The following TANC1 variants were observed in gnomAD, a reference collection of about 807,000 sequenced individuals.
The protein encoded by TANC1 is tetratricopeptide repeat, ankyrin repeat and coiled-coil containing 1, also known as protein TANC1.
In TANC1, 77 loss-of-function variants were observed where a neutral mutation model predicts 149.7. The ratio of observed to expected loss-of-function variants is 0.51; its 90% CI spans 0.43 to 0.62. The LOEUF (loss-of-function observed/expected upper bound fraction) is 0.62, where lower values mean the gene tolerates loss of function less well. Ranked by LOEUF, TANC1 falls within the 20% of genes least tolerant of loss-of-function variation. The pLI is 0.00. For missense variants in TANC1, 1,985 were observed against 2,321.8 expected, an observed-to-expected ratio of 0.85 and a Z score of 2.98; for synonymous variants, 854 against 925.0, an observed-to-expected ratio of 0.92 and a Z score of 1.39.
In TANC1 at chr2:159,176,518, G is replaced by A; in HGVS notation, c.1902G>A (p.Gln634=). 1 of 1,585,970 alleles carries A rather than the reference G, an allele frequency of 6.3e-7. No homozygotes were observed. The highest frequency in any genetic ancestry group is 8.5e-7 in the Non-Finnish European group (1 of 1,171,966). The part of the protein sequence containing the change: ...KLIVTVRANF[Q]EIISALPFVK... ...TTGTGACTGTAAGAGCAAATTTTCAGGTAACAAAGAATTCTCAAATCTTTC... is the reference window on the plus strand; with the variant it reads ...TTGTGACTGTAAGAGCAAATTTTCAAGTAACAAAGAATTCTCAAATCTTTC... The change falls in exon 13 of 27, where the codon CAG becomes CAA. Residue 634 remains glutamine, a splice_region_variant and synonymous_variant. Coordinates refer to ENST00000263635, the MANE Select transcript of TANC1 (RefSeq NM_033394.3).
At chr2:159,206,788 ACCTC>A (rs1209535309) in intron 19 of TANC1, among the ~76,000 whole-genome samples, 3 of 152,188 alleles carry the variant, frequency 2.0e-5, no homozygotes. Context: ...TTACACTGAG[ACCTC>A]ATGTGGTGTC....
At position 159,045,831 on chromosome 2, in the gene TANC1, A is replaced by G. The variant is rs1037339191; in HGVS notation, c.-15-20065A>G. On this transcript the variant is annotated intron_variant, in intron 2 of 26. Transcript: ENST00000263635. ...AAAACTATTTTATAATTTTCACTTA[A>G]AATTGCATGCGATAGCATTTTCTAT... is the stretch of plus-strand genomic sequence containing the variant. Among the ~76,000 whole-genome samples, 14 of 152,228 alleles carry G rather than the reference A, an allele frequency of 9.2e-5. 1 individual carries two copies. Among genetic ancestry groups the G allele is most frequent in the African/African-American group, 3.4e-4 (14 of 41,444 alleles).
At chr2:158,990,072 C>T (rs842059) in intron 1 of TANC1, among the ~76,000 whole-genome samples, 24,493 of 151,928 alleles carry the variant, frequency 0.16, 2,252 homozygotes, top group South Asian at 0.38. Context: ...CCTGCCACCA[C>T]GCCTGGCTAA....
intron 1 of TANC1, among the ~76,000 whole-genome samples, chr2:158,969,641 T>C (rs2032540534): frequency 6.6e-6 from 1 of 152,232 alleles, no homozygotes; most frequent in Admixed American, 6.5e-5. Flanking sequence ...CCGGAACGCC[T>C]GGCTGGGAAG....
intron 7 of TANC1, among the ~76,000 whole-genome samples, chr2:159,158,531 C>T (rs1180479266): frequency 6.6e-6 from 1 of 152,144 alleles, no homozygotes; most frequent in Non-Finnish European, 1.5e-5. Context: ...TCATCTTAGC[C>T]ACTGTTGTGA....
intron 5 of TANC1, among the ~76,000 whole-genome samples, chr2:159,143,266 TAACATTTGTC>T (rs1340732007): frequency 6.6e-6 from 1 of 152,154 alleles, no homozygotes; most frequent in Non-Finnish European, 1.5e-5. Flanking sequence ...TATTATGTGA[TAACATTTGTC>T]AACATTTGCA....
At chr2:159,040,690 T>TG (rs1249580651) in intron 2 of TANC1, among the ~76,000 whole-genome samples, 1 of 152,234 alleles carries the variant, frequency 6.6e-6, no homozygotes, top group Non-Finnish European at 1.5e-5. Flanking sequence ...TTAGCTTCCT[T>TG]GCAATGGGTT....
intron 16 of TANC1, among the ~76,000 whole-genome samples, chr2:159,189,818 A>C (rs180775209): frequency 1.1e-4 from 17 of 152,260 alleles, no homozygotes; most frequent in Non-Finnish European, 7.4e-5. Flanking sequence ...TTAAGTCAGA[A>C]TCTCCAAGAG....
In TANC1 at chr2:159,198,993, G is replaced by T; in HGVS notation, c.3184G>T (p.Gly1062Trp). The T allele has an allele frequency of 1.9e-6, 3 of 1,613,982 alleles. No individual in the cohort carries two copies. Among genetic ancestry groups the T allele is most frequent in the South Asian group, 1.1e-5 (1 of 91,070 alleles). Residue 1062 changes from glycine to tryptophan, a missense_variant, in exon 19 of 27, where the codon GGG (glycine) becomes TGG (tryptophan). This residue lies in a region of TANC1 where 920 missense variants were observed against 994.7 expected (regional missense o/e 0.92). Transcript: ENST00000263635. ...GHSSVVQCLL[G>W]MEKEHEVEVN... ...CTGACAGGTGGTCCAGTGCTTGCTG[G>T]GGATGGAGAAGGAACATGAAGTAGA...
At chr2:159,134,871 G>A (rs1360709499) in intron 4 of TANC1, among the ~76,000 whole-genome samples, 1 of 152,106 alleles carries the variant, frequency 6.6e-6, no homozygotes, top group Non-Finnish European at 1.5e-5. Context: ...ATCCTTCTGT[G>A]TTGGCCTAAG....
At position 159,225,294 on chromosome 2, in the gene TANC1, C is replaced by T. The variant is rs1242878288; in HGVS notation, c.3812-394C>T. On this transcript the variant is annotated intron_variant, in intron 23 of 26. Transcript: ENST00000263635. ...GTAGGAGAGAGAAGCCATGACATCT[C>T]GGAGTACAGCAGATGACACAGCACA... The T allele has an allele frequency of 1.3e-4, 34 of 261,488 alleles. No individual in the cohort carries two copies. The Admixed American group carries it at 1.6e-3, about 13-fold the overall frequency. 16.2% of individuals were successfully genotyped at this position (261,488 alleles called of 1,614,324 possible). A position where few individuals can be genotyped will look rare whatever the true frequency, so the allele number is the denominator to read the frequency against.
At chr2:159,182,903 A>C (rs1159199682) in intron 14 of TANC1, among the ~76,000 whole-genome samples, 2 of 152,238 alleles carry the variant, frequency 1.3e-5, no homozygotes, top group African/African-American at 2.4e-5. Flanking sequence ...CGAGGAGTTA[A>C]TAGGTATTAG....
At chr2:159,106,939 A>T (rs1328265258) in intron 4 of TANC1, among the ~76,000 whole-genome samples, 1 of 152,218 alleles carries the variant, frequency 6.6e-6, no homozygotes, top group Non-Finnish European at 1.5e-5. Flanking sequence ...ATTCCTTATG[A>T]GATAAATGAT....
At chr2:158,973,897 A>G (rs2033263755) in intron 1 of TANC1, among the ~76,000 whole-genome samples, 1 of 152,234 alleles carries the variant, frequency 6.6e-6, no homozygotes, top group South Asian at 2.1e-4. Flanking sequence ...AATTACTGCT[A>G]AAAACGTAAG....
intron 11 of TANC1, among the ~76,000 whole-genome samples, chr2:159,173,444 A>C (rs1274329647): frequency 6.6e-6 from 1 of 152,136 alleles, no homozygotes; most frequent in Non-Finnish European, 1.5e-5. Flanking sequence ...GTCTCTACTA[A>C]AAATACAAAA....
chr2:158,996,938 T>C (rs1358325769), intron 1 of TANC1, among the ~76,000 whole-genome samples: 1 of 151,204 alleles, frequency 6.6e-6, no homozygotes, highest in Non-Finnish European at 1.5e-5. Flanking sequence ...TACCTCTCCA[T>C]GTGTGGGGTG....
chr2:159,013,560 A>G (rs1281156955), intron 2 of TANC1, among the ~76,000 whole-genome samples: 2 of 152,166 alleles, frequency 1.3e-5, no homozygotes, highest in African/African-American at 2.4e-5. Flanking sequence ...AGGGGGTAAG[A>G]TCTTTGCAGG....
chr2:159,177,990 A>C (rs2056061555), intron 13 of TANC1, among the ~76,000 whole-genome samples: 1 of 152,266 alleles, frequency 6.6e-6, no homozygotes, highest in African/African-American at 2.4e-5. Context: ...TTAAAAAAGC[A>C]ATTCATAAAA....
intron 7 of TANC1, among the ~76,000 whole-genome samples, chr2:159,157,987 T>A (rs1316254448): frequency 6.6e-6 from 1 of 151,976 alleles, no homozygotes; most frequent in African/African-American, 2.4e-5. Flanking sequence ...ATTATAATAG[T>A]ATATGTACAT....
Sources: allele counts gnomAD v4.1 joint callset (sites outside exome capture counted in the v4.1 genomes callset), GRCh38; gene constraint gnomAD v4.1.1; regional missense constraint gnomAD v4.1.1; transcripts MANE v1.5; gene names NCBI Gene and HGNC (gene_info 2026-07-23, HGNC 2026-07-21).